SHISA9: variants seen among roughly 807,000 people sequenced by gnomAD.
SHISA9 encodes the protein shisa family member 9.
In SHISA9, 13 loss-of-function variants were observed where a neutral mutation model predicts 38.0. The ratio of observed to expected loss-of-function variants is 0.34; its 90% confidence interval spans 0.22 to 0.54. The LOEUF (loss-of-function observed/expected upper bound fraction) is 0.54. Among genes scored for constraint, SHISA9 ranks in the 20% least tolerant of loss-of-function variants. The pLI is 0.91. For synonymous variants in SHISA9, 275 were observed against 242.0 expected (o/e 1.14, Z -1.27); for missense variants, 538 against 575.8 (o/e 0.93, Z 0.67).
At chr16:13,445,925 G>A in the SHISA9 span, among the ~76,000 whole-genome samples, 2 of 152,048 alleles carry the variant, frequency 1.3e-5, no homozygotes, top group African/African-American at 4.8e-5. Context: ...AGTCAAAGAG[G>A]CATTTAGAAT....
chr16:13,315,853 G>C, the SHISA9 span, among the ~76,000 whole-genome samples: 45 of 152,224 alleles, frequency 3.0e-4, no homozygotes, highest in East Asian at 5.8e-3. Context: ...GCGGGTAGAA[G>C]CCATCACTTG....
chr16:13,069,652 G>A (rs1179048989), intron 2 of SHISA9, among the ~76,000 whole-genome samples: 2 of 152,180 alleles, frequency 1.3e-5, no homozygotes. Flanking sequence ...GTAAATGTGT[G>A]TGGTGTATGT....
intron 2 of SHISA9, among the ~76,000 whole-genome samples, chr16:12,997,080 C>G (rs1283600432): frequency 6.6e-6 from 1 of 152,118 alleles, no homozygotes; most frequent in East Asian, 1.9e-4. Flanking sequence ...ACTCCTCTAT[C>G]AAGAGGAAGA....
intron 2 of SHISA9, among the ~76,000 whole-genome samples, chr16:13,115,660 T>A (rs2074024793): frequency 6.6e-6 from 1 of 152,194 alleles, no homozygotes; most frequent in Admixed American, 6.5e-5. Flanking sequence ...ATGGCCAGAT[T>A]TTGGGAGGCT....
the SHISA9 span, among the ~76,000 whole-genome samples, chr16:13,295,118 C>T: frequency 6.6e-6 from 1 of 152,162 alleles, no homozygotes; most frequent in East Asian, 1.9e-4. Context: ...AGATTTCATG[C>T]TCTTAATTGT....
chr16:13,166,496 A>G (rs901674865), intron 2 of SHISA9, among the ~76,000 whole-genome samples: 1 of 152,118 alleles, frequency 6.6e-6, no homozygotes, highest in Non-Finnish European at 1.5e-5. Flanking sequence ...AATAAAACCC[A>G]TCTCTCTATT....
At chr16:13,137,661 G>A (rs1406593807) in intron 2 of SHISA9, among the ~76,000 whole-genome samples, 2 of 151,968 alleles carry the variant, frequency 1.3e-5, no homozygotes, top group Non-Finnish European at 2.9e-5. Context: ...TCACCATGTT[G>A]GCCAGGATGG....
chr16:13,385,039 G>C, the SHISA9 span, among the ~76,000 whole-genome samples: 1 of 152,116 alleles, frequency 6.6e-6, no homozygotes, highest in Non-Finnish European at 1.5e-5. Context: ...GTTTACCAAA[G>C]AAGATATGCA....
At chr16:13,136,812 C>A (rs1343566642) in intron 2 of SHISA9, among the ~76,000 whole-genome samples, 2 of 152,088 alleles carry the variant, frequency 1.3e-5, no homozygotes, top group Non-Finnish European at 2.9e-5. Flanking sequence ...CCTTTTGTTC[C>A]CTCCTATGCC....
At chr16:13,555,705 A>G in the SHISA9 span, among the ~76,000 whole-genome samples, 1 of 152,156 alleles carries the variant, frequency 6.6e-6, no homozygotes. Flanking sequence ...TACTGGCCCC[A>G]CTGAGCTTTA....
chr16:13,019,154 C>T (rs1240840232), intron 2 of SHISA9, among the ~76,000 whole-genome samples: 1 of 152,176 alleles, frequency 6.6e-6, no homozygotes, highest in Non-Finnish European at 1.5e-5. Context: ...CACTCACCAC[C>T]ATGCCCAGCT....
At chr16:13,376,873 A>G in the SHISA9 span, among the ~76,000 whole-genome samples, 8 of 152,076 alleles carry the variant, frequency 5.3e-5, no homozygotes, top group African/African-American at 1.9e-4. Flanking sequence ...TTTCTTGTAG[A>G]GATGTGTTGC....
chr16:13,549,477 A>C, the SHISA9 span, among the ~76,000 whole-genome samples: 1 of 152,192 alleles, frequency 6.6e-6, no homozygotes, highest in Non-Finnish European at 1.5e-5. Flanking sequence ...AAATATATGC[A>C]TCATGGTTTG....
At chr16:13,123,490 C>A (rs534572713) in intron 2 of SHISA9, among the ~76,000 whole-genome samples, 1 of 152,264 alleles carries the variant, frequency 6.6e-6, no homozygotes, top group Non-Finnish European at 1.5e-5. Context: ...GATACCTACT[C>A]ATGAAGAAGA....
intron 1 of SHISA9, chr16:12,908,523 A>C (rs759276261): frequency 3.9e-6 from 6 of 1,552,064 alleles, no homozygotes; most frequent in South Asian, 1.2e-5. Flanking sequence ...ATTTCTTTCC[A>C]AGAGGACGAA....
intron 2 of SHISA9, among the ~76,000 whole-genome samples, chr16:13,065,001 T>C (rs2073418603): frequency 6.6e-6 from 1 of 152,144 alleles, no homozygotes; most frequent in African/African-American, 2.4e-5. Context: ...GTCTGTGACA[T>C]GGGATCAGAG....
chr16:13,416,743 A>AAGGAAGG, the SHISA9 span, among the ~76,000 whole-genome samples: 1 of 113,442 alleles, frequency 8.8e-6, no homozygotes, highest in African/African-American at 3.3e-5. Context: ...AGAAAGAAAG[A>AAGGAAGG]AAGGAAGGAA....
chr16:13,501,110 A>G, the SHISA9 span, among the ~76,000 whole-genome samples: 30 of 152,302 alleles, frequency 2.0e-4, no homozygotes, highest in South Asian at 2.7e-3. Context: ...TTAACCTAGA[A>G]CTGTAGTTTT....
Position 13,236,953 on chromosome 16 carries a change from G to GTCAGT in SHISA9, c.*1546_*1550dup, listed in dbSNP as rs1220125617. ...CCATAGTCCTTGGGGTCCCAGCAAA[G>GTCAGT]TCAGTTTTCCTACAAGTTGTGTTTG... On this transcript the variant is annotated 3_prime_UTR_variant, in exon 5 of 5. Transcript: ENST00000558583. 2 of 152,208 alleles carry GTCAGT rather than the reference G, an allele frequency of 1.3e-5. No homozygotes were observed. Among genetic ancestry groups the GTCAGT allele is most frequent in the East Asian group, 3.9e-4 (2 of 5,190 alleles). 9.4% of individuals were successfully genotyped at this position (152,208 alleles called of 1,614,324 possible). A position where few individuals can be genotyped will look rare whatever the true frequency, so the allele number is the denominator to read the frequency against.
Sources: allele counts gnomAD v4.1 joint callset (sites outside exome capture counted in the v4.1 genomes callset), GRCh38; gene constraint gnomAD v4.1.1; transcripts MANE v1.5; gene names NCBI Gene and HGNC (gene_info 2026-07-23, HGNC 2026-07-21).